WWC1: variants seen among roughly 807,000 people sequenced by gnomAD.
WWC1 encodes the protein protein KIBRA.
Under a neutral mutation model 138.4 loss-of-function variants are expected in WWC1, and 55 were observed. The observed-to-expected ratio is 0.40, with a 90% CI of 0.32 to 0.50. The LOEUF is 0.50. Ranked by LOEUF, WWC1 falls within the 20% of genes least tolerant of loss-of-function variation. WWC1 has a pLI of 0.72. For synonymous variants in WWC1, 524 were observed against 564.9 expected, an observed-to-expected ratio of 0.93 and a Z score of 1.03; for missense variants, 1,226 against 1,420.4, an observed-to-expected ratio of 0.86 and a Z score of 2.20.
intron 1 of WWC1, among the ~76,000 whole-genome samples, chr5:168,304,775 G>A (rs1397739569): frequency 6.6e-6 from 1 of 151,916 alleles, no homozygotes; most frequent in African/African-American, 2.4e-5. Flanking sequence ...TTGCAGAATC[G>A]CCTGAGCACA....
At chr5:168,349,893 C>T (rs907565707) in intron 1 of WWC1, among the ~76,000 whole-genome samples, 10 of 152,154 alleles carry the variant, frequency 6.6e-5, no homozygotes, top group African/African-American at 2.4e-4. Context: ...CTCAAAATAA[C>T]ACTCCACCTT....
At position 168,424,046 on chromosome 5, in the gene WWC1, G is replaced by A. The variant is rs777887100; in HGVS notation, c.1788G>A (p.Thr596=). 7.5e-6 allele frequency: 12 copies of A among 1,605,820 alleles called. No individual in the cohort carries two copies. Among genetic ancestry groups the A allele is most frequent in the South Asian group, 5.6e-5 (5 of 89,080 alleles). The change falls in exon 11 of 23, where the codon ACG becomes ACA. Residue 596 remains threonine, a synonymous_variant. Coordinates refer to ENST00000265293, the MANE Select transcript of WWC1 (RefSeq NM_015238.3). ...QERYRLEEPG[T]EGKQLGQAVN... ...GATACCGGCTGGAGGAACCAGGAAC[G>A]GAGGGCAAGCAGCTGGGCCAAGGTA...
chr5:168,407,455 C>T (rs1779881785), intron 6 of WWC1, among the ~76,000 whole-genome samples: 1 of 152,190 alleles, frequency 6.6e-6, no homozygotes, highest in African/African-American at 2.4e-5. Context: ...ATTTCACTGG[C>T]AGATTAGGAG....
chr5:168,423,258 C>T (rs539597699), intron 10 of WWC1, among the ~76,000 whole-genome samples: 23 of 151,104 alleles, frequency 1.5e-4, no homozygotes, highest in African/African-American at 4.9e-4. Flanking sequence ...ACAAATGCAA[C>T]GTAGCCAATT....
At chr5:168,301,094 TGTCTG>T (rs1416997108) in intron 1 of WWC1, among the ~76,000 whole-genome samples, 2 of 152,246 alleles carry the variant, frequency 1.3e-5, no homozygotes, top group African/African-American at 4.8e-5. Context: ...CCTTATCCAT[TGTCTG>T]TCACGTGCCA....
intron 1 of WWC1, among the ~76,000 whole-genome samples, chr5:168,305,360 G>A (rs73801874): frequency 3.3e-5 from 5 of 152,046 alleles, no homozygotes; most frequent in South Asian, 4.1e-4. Context: ...ATCGCCTCAC[G>A]TCTTCTTGGC....
intron 1 of WWC1, among the ~76,000 whole-genome samples, chr5:168,358,595 T>C (rs986748396): frequency 6.6e-6 from 1 of 152,212 alleles, no homozygotes; most frequent in African/African-American, 2.4e-5. Flanking sequence ...GATGAACCAG[T>C]TAACCTCTCT....
chr5:168,330,776 C>T (rs936887339), intron 1 of WWC1, among the ~76,000 whole-genome samples: 3 of 152,138 alleles, frequency 2.0e-5, no homozygotes, highest in African/African-American at 2.4e-5. Flanking sequence ...TTGGGGGCTA[C>T]AGGGCTCTGC....
intron 21 of WWC1, among the ~76,000 whole-genome samples, chr5:168,466,080 C>T (rs1293222904): frequency 6.6e-6 from 1 of 152,096 alleles, no homozygotes; most frequent in East Asian, 1.9e-4. Flanking sequence ...CTCTTATAGG[C>T]CCAGGGTTTA....
rs557908398 is a variant in WWC1 at position 168,404,374 on chromosome 5, C to T, written c.591-1824C>T. ...GACTAAATCTGGGGCCGGTCCTTGC[C>T]GACCTGATAGGCCTGCCGAGGCCCG... is the stretch of plus-strand genomic sequence containing the variant. On this transcript the variant is annotated intron_variant, in intron 5 of 22. Transcript: ENST00000265293. 5.9e-5 allele frequency among the ~76,000 whole-genome samples: 9 copies of T among 152,312 alleles called. No individual in the cohort carries two copies. The East Asian group carries it at 1.3e-3, about 23-fold the overall frequency.
intron 1 of WWC1, among the ~76,000 whole-genome samples, chr5:168,329,735 G>A (rs891330391): frequency 6.6e-6 from 1 of 152,206 alleles, no homozygotes; most frequent in African/African-American, 2.4e-5. Context: ...CATGAAAATG[G>A]AAGGAATGAG....
intron 1 of WWC1, among the ~76,000 whole-genome samples, chr5:168,308,164 T>C (rs1188911320): frequency 6.6e-6 from 1 of 152,218 alleles, no homozygotes; most frequent in East Asian, 1.9e-4. Flanking sequence ...TAGCCGTGCA[T>C]GGGTTACCTT....
chr5:168,466,464 C>T (rs1223831079), intron 21 of WWC1, among the ~76,000 whole-genome samples: 1 of 152,214 alleles, frequency 6.6e-6, no homozygotes, highest in African/African-American at 2.4e-5. Flanking sequence ...GGGTGCCTAC[C>T]TGAACTCTCA....
In WWC1 at chr5:168,454,005, G is replaced by A. The variant is rs756618752; in HGVS notation, c.2563G>A (p.Glu855Lys). Residue 855 changes from glutamate (E) to lysine (K), a missense_variant, in exon 18 of 23, where the codon GAG (glutamate) becomes AAG (lysine). By Grantham distance (56) the Glu-to-Lys change is moderately conservative. Around this residue, in one of 3 missense-constraint regions of WWC1, gnomAD observed 1,016 missense variants for 1,153.9 expected, o/e 0.88. Coordinates refer to ENST00000265293, the MANE Select transcript of WWC1 (RefSeq NM_015238.3). ...EETSENEAVA[E>K]EEEEEVEEEE... ...GACCAGTGAGAATGAGGCAGTAGCC[G>A]AGGAAGAGGAGGAGGAGGTGGAGGA... The A allele has an allele frequency of 4.1e-5, 65 of 1,599,942 alleles. No homozygotes were observed. The highest frequency in any genetic ancestry group is 6.1e-5 in the African/African-American group (4 of 65,930).
intron 3 of WWC1, among the ~76,000 whole-genome samples, chr5:168,397,212 G>A (rs1385895807): frequency 1.3e-5 from 2 of 150,610 alleles, no homozygotes; most frequent in South Asian, 2.1e-4. Flanking sequence ...GCGCGATTTC[G>A]GCTCACTGCA....
At chr5:168,353,034 C>G (rs1046542258) in intron 1 of WWC1, among the ~76,000 whole-genome samples, 2 of 152,188 alleles carry the variant, frequency 1.3e-5, no homozygotes, top group African/African-American at 4.8e-5. Context: ...ATCATTGTTA[C>G]TAATGAGGTG....
At chr5:168,402,790 C>T (rs1332185549) in intron 5 of WWC1, among the ~76,000 whole-genome samples, 1 of 152,160 alleles carries the variant, frequency 6.6e-6, no homozygotes, top group Non-Finnish European at 1.5e-5. Flanking sequence ...AGCATCATCC[C>T]TGATAACTCC....
chr5:168,389,320 G>A (rs1384244356), intron 3 of WWC1, among the ~76,000 whole-genome samples: 1 of 151,804 alleles, frequency 6.6e-6, no homozygotes, highest in Admixed American at 6.6e-5. Context: ...GGTGGCGCAT[G>A]CCTGTAGTCC....
At chr5:168,295,165 C>T (rs894420186) in intron 1 of WWC1, among the ~76,000 whole-genome samples, 16 of 152,136 alleles carry the variant, frequency 1.1e-4, no homozygotes, top group African/African-American at 3.9e-4. Context: ...GTCTGTGTGG[C>T]CTTGGGCAAA....
Sources: allele counts gnomAD v4.1 joint callset (sites outside exome capture counted in the v4.1 genomes callset), GRCh38; gene constraint gnomAD v4.1.1; regional missense constraint gnomAD v4.1.1; transcripts MANE v1.5; gene names NCBI Gene and HGNC (gene_info 2026-07-23, HGNC 2026-07-21).